LAMB4: variants seen among roughly 807,000 people sequenced by gnomAD.
The protein encoded by LAMB4 is laminin subunit beta 4.
In LAMB4, 196 loss-of-function variants were observed where a neutral mutation model predicts 199.2. The observed-to-expected ratio is 0.98, with a 90% CI of 0.88 to 1.11. The LOEUF is 1.11. LAMB4 is among the 50% of genes least tolerant of loss of function. The pLI, the probability that LAMB4 is intolerant of heterozygous loss-of-function variation, is 0.00. For synonymous variants in LAMB4, 744 were observed against 770.6 expected (o/e 0.97, Z 0.57); for missense variants, 2,080 against 2,171.2 (o/e 0.96, Z 0.83).
In LAMB4 at chr7:108,024,092, T is replaced by C. The variant is rs2034752937; in HGVS notation, c.5233A>G (p.Ile1745Val). Residue 1745 changes from isoleucine (I) to valine (V), a missense_variant, in exon 34 of 34, where the codon ATT becomes GTT. Coordinates refer to ENST00000388781, the MANE Select transcript of LAMB4 (RefSeq NM_007356.3). ...LRILEDQVVA[I>V]KNEIVEQEKK... ...TCTTGTTCAACAATTTCATTTTTAA[T>C]GGCAACAACTTGATCTTCCAATATT... 1.2e-6 allele frequency: 2 copies of C among 1,607,972 alleles called. No homozygotes were observed. The highest frequency in any genetic ancestry group is 1.3e-5 in the African/African-American group (1 of 74,852).
At chr7:108,102,638 C>G (rs2037854294) in intron 10 of LAMB4, among the ~76,000 whole-genome samples, 1 of 152,056 alleles carries the variant, frequency 6.6e-6, no homozygotes, top group South Asian at 2.1e-4. Flanking sequence ...AGTTGAGATT[C>G]AAGATAAAAG....
In LAMB4 at chr7:108,063,896, T is replaced by C. The variant is rs201060494; in HGVS notation, c.2926A>G (p.Ile976Val). The change falls in exon 22 of 34, where the codon ATA (isoleucine) becomes GTA (valine). Residue 976 changes from isoleucine to valine, a missense_variant. Transcript: ENST00000388781. Reference sequence around the variant, plus strand: ...CAGGACTCTGGATCGGTTACATCTATGTTGTTGTTGCAGGCACATGGTTGG... The same window carrying C: ...CAGGACTCTGGATCGGTTACATCTACGTTGTTGTTGCAGGCACATGGTTGG... The part of the protein sequence containing the change: ...PCQPCACNNN[I>V]DVTDPESCSR... 328 of 1,614,032 alleles carry C rather than the reference T, an allele frequency of 2.0e-4. 1 individual carries two copies. The highest frequency in any genetic ancestry group is 2.6e-4 in the Non-Finnish European group (303 of 1,179,998).
chr7:108,103,271 C>T (rs978128210), intron 9 of LAMB4, 39 bp from the exon 10 acceptor site: 1 of 1,494,398 alleles, frequency 6.7e-7, no homozygotes, highest in Non-Finnish European at 9.0e-7. Context: ...TAGACTAAGG[C>T]CTCGGGTGGC....
chr7:108,052,739 C>T (rs2035864721), intron 25 of LAMB4, among the ~76,000 whole-genome samples: 2 of 152,220 alleles, frequency 1.3e-5, no homozygotes, highest in South Asian at 4.1e-4. Flanking sequence ...GGTCCCAACT[C>T]TTATTTTCCA....
chr7:108,107,546 C>A, intron 6 of LAMB4, 85 bp downstream of exon 6: 1 of 1,052,238 alleles, frequency 9.5e-7, no homozygotes, highest in Non-Finnish European at 1.4e-6. Context: ...TTACAGTAAA[C>A]ACTATCGAAA....
chr7:108,055,689 T>C lies in LAMB4; in HGVS notation c.3698A>G (p.His1233Arg). ...NVSEIERILK[H>R]PVFPSGKFLK... ...GAATTTCCCAGATGGGAAAACAGGA[T>C]GTTTCAAAATCCTTTCTATTTCAGA... The change falls in exon 25 of 34, where the codon CAT becomes CGT. Residue 1233 changes from histidine (H) to arginine (R), a missense_variant. By Grantham distance (29) the His-to-Arg change is conservative (BLOSUM62 0). Transcript: ENST00000388781. 6.2e-7 allele frequency: 1 copy of C among 1,614,066 alleles called. No individual in the cohort carries two copies. The highest frequency in any genetic ancestry group is 1.1e-5 in the South Asian group (1 of 91,064).
chr7:108,058,911 C>T (rs2036071076), intron 23 of LAMB4, among the ~76,000 whole-genome samples: 1 of 152,116 alleles, frequency 6.6e-6, no homozygotes, highest in African/African-American at 2.4e-5. Flanking sequence ...CCTGCCTCAG[C>T]CTCCCAAAGT....
chr7:108,027,027 G>A (rs1035612071), intron 33 of LAMB4: 4 of 411,418 alleles, frequency 9.7e-6, no homozygotes, highest in African/African-American at 4.1e-5. Context: ...AAAAGCTGTG[G>A]TCAATGGGGA....
chr7:108,056,771 A>C (rs946736831), intron 24 of LAMB4, among the ~76,000 whole-genome samples: 1 of 152,138 alleles, frequency 6.6e-6, no homozygotes, highest in Non-Finnish European at 1.5e-5. Flanking sequence ...GGAGTTCGAG[A>C]CCAGCATGAG....
chr7:108,021,098 A>G (rs1204469582), downstream of LAMB4, among the ~76,000 whole-genome samples: 1 of 152,124 alleles, frequency 6.6e-6, no homozygotes, highest in Non-Finnish European at 1.5e-5. Flanking sequence ...TCAATATGCT[A>G]TGTTTTGTGT....
downstream of LAMB4, among the ~76,000 whole-genome samples, chr7:108,021,671 T>C (rs1440028064): frequency 6.6e-6 from 1 of 152,008 alleles, no homozygotes; most frequent in Non-Finnish European, 1.5e-5. Context: ...ATCACACCAT[T>C]GCACTCCAGC....
the LAMB4 span, among the ~76,000 whole-genome samples, chr7:108,012,272 A>AAC: frequency 1.3e-5 from 2 of 152,080 alleles, no homozygotes; most frequent in Admixed American, 6.5e-5. Flanking sequence ...CATTTCTATA[A>AAC]ACATATGAAT....
At chr7:108,069,170 A>G (rs1212103117) in intron 18 of LAMB4, among the ~76,000 whole-genome samples, 2 of 152,208 alleles carry the variant, frequency 1.3e-5, no homozygotes, top group East Asian at 3.9e-4. Context: ...CCCTTAGGTG[A>G]CATTTGACAA....
intron 2 of LAMB4, among the ~76,000 whole-genome samples, chr7:108,122,410 C>T (rs1421564947): frequency 6.6e-6 from 1 of 152,090 alleles, no homozygotes; most frequent in Non-Finnish European, 1.5e-5. Flanking sequence ...AGGGGATTTT[C>T]AACAGAGAAC....
intron 17 of LAMB4, 24 bp from the exon 18 acceptor site, chr7:108,069,909 T>A (rs749850809): frequency 1.1e-4 from 178 of 1,592,438 alleles, no homozygotes; most frequent in Non-Finnish European, 1.5e-4. Flanking sequence ...GCAAAAAGAC[T>A]TAACATTCAA....
At chr7:108,065,954 C>T in intron 20 of LAMB4, 35 bp from the exon 21 acceptor site, 5 of 1,596,054 alleles carry the variant, frequency 3.1e-6, no homozygotes, top group Non-Finnish European at 4.3e-6. Flanking sequence ...AAAATGTTTC[C>T]AGGAAAAGAT....
At chr7:108,063,434 C>T (rs1044640178) in intron 22 of LAMB4, among the ~76,000 whole-genome samples, 3 of 152,190 alleles carry the variant, frequency 2.0e-5, no homozygotes, top group Non-Finnish European at 4.4e-5. Flanking sequence ...ATACACCTCA[C>T]CTCCCCACTG....
intron 12 of LAMB4, among the ~76,000 whole-genome samples, chr7:108,094,111 G>C (rs929576311): frequency 9.9e-5 from 15 of 152,202 alleles, no homozygotes; most frequent in Admixed American, 5.9e-4. Flanking sequence ...TCCCCCATGG[G>C]GGGGGTCCCT....
chr7:108,113,177 AT>A (rs1281535209), intron 3 of LAMB4, among the ~76,000 whole-genome samples: 1 of 151,746 alleles, frequency 6.6e-6, no homozygotes, highest in African/African-American at 2.4e-5. Flanking sequence ...GCCACTCTCT[AT>A]TTTTTGTCCT....
Sources: gnomAD v4.1 joint callset for allele counts (sites outside exome capture counted in the v4.1 genomes callset) on GRCh38, gnomAD v4.1.1 for gene constraint, MANE v1.5 for transcripts, NCBI Gene and HGNC (gene_info 2026-07-23, HGNC 2026-07-21) for gene names.